TASP1: variants seen among roughly 807,000 people sequenced by gnomAD.
TASP1 encodes the protein threonine aspartase 1.
A neutral mutation model predicts 56.6 loss-of-function variants in TASP1; 16 were observed. The ratio of observed to expected loss-of-function variants is 0.28; its 90% CI spans 0.19 to 0.43. TASP1 has a LOEUF of 0.43. Ranked by LOEUF, TASP1 falls within the 20% of genes least tolerant of loss-of-function variation. The probability of loss-of-function intolerance (pLI) is 1.00; values close to 1 mark genes in which losing one functional copy is unlikely to be tolerated. For missense variants in TASP1, 393 were observed against 511.6 expected (o/e 0.77, Z 2.24); for synonymous variants, 179 against 184.2 (o/e 0.97, Z 0.23).
intron 13 of TASP1, among the ~76,000 whole-genome samples, chr20:13,413,112 C>T (rs1208961747): frequency 6.6e-6 from 1 of 152,118 alleles, no homozygotes; most frequent in South Asian, 2.1e-4. Flanking sequence ...CTGCATGGCC[C>T]AAAGAACTAG....
chr20:13,613,303 T>C (rs1215000426), intron 4 of TASP1, among the ~76,000 whole-genome samples: 1 of 152,176 alleles, frequency 6.6e-6, no homozygotes, highest in Non-Finnish European at 1.5e-5. Context: ...GCTAGACTTA[T>C]CATCCAATTT....
chr20:13,395,093 G>C (rs1259774017), intron 13 of TASP1, among the ~76,000 whole-genome samples: 3 of 152,112 alleles, frequency 2.0e-5, no homozygotes, highest in Admixed American at 2.0e-4. Flanking sequence ...TGGTTTCTAG[G>C]AAAACTGCAC....
At chr20:13,276,356 C>T in the TASP1 span, among the ~76,000 whole-genome samples, 13 of 151,844 alleles carry the variant, frequency 8.6e-5, no homozygotes, top group Non-Finnish European at 1.2e-4. Context: ...AGTGCATTTC[C>T]GAGCAAGAAT....
At chr20:13,536,019 ATT>A (rs1456338205) in intron 8 of TASP1, among the ~76,000 whole-genome samples, 6 of 152,220 alleles carry the variant, frequency 3.9e-5, no homozygotes, top group African/African-American at 1.4e-4. Context: ...TAAGAGGAAT[ATT>A]TGTTTTATAA....
intron 10 of TASP1, among the ~76,000 whole-genome samples, chr20:13,511,157 G>GA (rs768481810): frequency 1.3e-5 from 2 of 148,568 alleles, no homozygotes; most frequent in Non-Finnish European, 3.0e-5. Context: ...AGCTTCTAAA[G>GA]AAAGAGTTCC....
intron 10 of TASP1, among the ~76,000 whole-genome samples, chr20:13,496,009 G>A (rs1251054102): frequency 6.6e-6 from 1 of 152,040 alleles, no homozygotes; most frequent in Non-Finnish European, 1.5e-5. Context: ...AAATCTATAA[G>A]CGTATGGTTT....
At chr20:13,319,819 T>C in the TASP1 span, among the ~76,000 whole-genome samples, 1 of 152,152 alleles carries the variant, frequency 6.6e-6, no homozygotes, top group Non-Finnish European at 1.5e-5. Context: ...TGCAGCAGCA[T>C]CAGGGCACCT....
chr20:13,477,141 A>T (rs1199532294), intron 11 of TASP1, among the ~76,000 whole-genome samples: 1 of 152,132 alleles, frequency 6.6e-6, no homozygotes, highest in Non-Finnish European at 1.5e-5. Flanking sequence ...ATAAAATATT[A>T]ATTGAATATA....
chr20:13,164,837 T>C, the TASP1 span: 2 of 1,613,722 alleles, frequency 1.2e-6, no homozygotes, highest in Middle Eastern at 1.7e-4. Flanking sequence ...CTGAGCTCTA[T>C]GATGAGACGA....
the TASP1 span, among the ~76,000 whole-genome samples, chr20:13,159,579 T>C: frequency 4.6e-5 from 7 of 152,192 alleles, no homozygotes; most frequent in African/African-American, 1.7e-4. Flanking sequence ...ATAAAACATA[T>C]AGGTTTACAA....
At chr20:13,258,575 G>A in the TASP1 span, among the ~76,000 whole-genome samples, 151 of 152,242 alleles carry the variant, frequency 9.9e-4, no homozygotes, top group Non-Finnish European at 1.8e-3. Context: ...CATGTTCTCT[G>A]TTGAACATCT....
the TASP1 span, among the ~76,000 whole-genome samples, chr20:13,284,418 C>T: frequency 2.0e-5 from 3 of 152,344 alleles, no homozygotes; most frequent in Non-Finnish European, 2.9e-5. Context: ...GCTGTCAAAG[C>T]ACCATATAGA....
intron 8 of TASP1, among the ~76,000 whole-genome samples, chr20:13,554,404 A>G (rs2046084564): frequency 7.5e-6 from 1 of 133,906 alleles, no homozygotes; most frequent in Non-Finnish European, 1.7e-5. Context: ...ACTAAAGAAA[A>G]CAAGAGCGCT....
chr20:13,586,188 A>C (rs1003051709), intron 5 of TASP1, among the ~76,000 whole-genome samples: 1 of 151,674 alleles, frequency 6.6e-6, no homozygotes, highest in Non-Finnish European at 1.5e-5. Context: ...AAAAAAAAAA[A>C]AAAAAAAACA....
At chr20:13,306,574 A>T in the TASP1 span, among the ~76,000 whole-genome samples, 2 of 148,772 alleles carry the variant, frequency 1.3e-5, 1 homozygote, top group Admixed American at 1.3e-4. Context: ...CAAAAAAAAA[A>T]AAAAAAAAAA....
the TASP1 span, among the ~76,000 whole-genome samples, chr20:13,359,727 G>A: frequency 6.6e-6 from 1 of 151,670 alleles, no homozygotes; most frequent in Non-Finnish European, 1.5e-5. Flanking sequence ...TTATTAGGCC[G>A]AGACACTTTA....
At chr20:13,161,284 G>C in the TASP1 span, among the ~76,000 whole-genome samples, 2 of 152,126 alleles carry the variant, frequency 1.3e-5, no homozygotes, top group African/African-American at 4.8e-5. Flanking sequence ...ATTTTCAATG[G>C]GAGTGGGGGA....
the TASP1 span, among the ~76,000 whole-genome samples, chr20:13,332,976 C>T: frequency 1.3e-5 from 2 of 152,214 alleles, no homozygotes; most frequent in East Asian, 1.9e-4. Flanking sequence ...TAACACTATA[C>T]GCAAATGTGC....
rs2043197373 is a variant in TASP1, at chr20:13,483,119, A to G, written c.985+108T>C. On this transcript the variant is annotated intron_variant, in intron 11 of 13. Transcript: ENST00000337743. ...AACTGTGGTTCTTTTCCTCTGCTAGACCCTAGAGGTAGGTCTAGAAATACA... is the reference window on the plus strand; with the variant it reads ...AACTGTGGTTCTTTTCCTCTGCTAGGCCCTAGAGGTAGGTCTAGAAATACA... 3 of 733,292 alleles carry G rather than the reference A, an allele frequency of 4.1e-6. No individual in the cohort carries two copies. In the Admixed American group the frequency reaches 8.9e-5, roughly 22 times the overall value. 45.4% of individuals were successfully genotyped at this position (733,292 alleles called of 1,614,324 possible). A position where few individuals can be genotyped will look rare whatever the true frequency, so the allele number is the denominator to read the frequency against.
Sources: gnomAD v4.1 joint callset for allele counts (sites outside exome capture counted in the v4.1 genomes callset) on GRCh38, gnomAD v4.1.1 for gene constraint, MANE v1.5 for transcripts, NCBI Gene and HGNC (gene_info 2026-07-23, HGNC 2026-07-21) for gene names.